DHX8: variants seen among roughly 807,000 people sequenced by gnomAD.
The protein encoded by DHX8 is ATP-dependent RNA helicase DHX8.
Under a neutral mutation model 140.7 loss-of-function variants are expected in DHX8, and 67 were observed. The ratio of observed to expected loss-of-function variants is 0.48; its 90% CI spans 0.39 to 0.58. DHX8 has a LOEUF of 0.58. DHX8 is among the 20% of genes least tolerant of loss of function. The probability of loss-of-function intolerance (pLI) is 0.00; values close to 1 mark genes in which losing one functional copy is unlikely to be tolerated. For missense variants in DHX8, 887 were observed against 1,550.7 expected (o/e 0.57, Z 7.19); for synonymous variants, 533 against 553.2 (o/e 0.96, Z 0.51).
At chr17:43,513,289 G>T in intron 16 of DHX8, 73 bp from the exon 17 acceptor site, 1 of 1,510,596 alleles carries the variant, frequency 6.6e-7, no homozygotes. Context: ...AGATATCTGG[G>T]TTCAGAAGAC....
chr17:43,487,096 T>A (rs1005976009), intron 1 of DHX8, among the ~76,000 whole-genome samples: 1 of 152,168 alleles, frequency 6.6e-6, no homozygotes, highest in African/African-American at 2.4e-5. Flanking sequence ...AACCGTCAGC[T>A]TCCTCATTGT....
chr17:43,520,723 C>T (rs567744916), intron 19 of DHX8, 28 bp from the exon 20 acceptor site: 2 of 1,613,646 alleles, frequency 1.2e-6, no homozygotes, highest in African/African-American at 2.7e-5. Flanking sequence ...CACAGGGAAG[C>T]AGTTGTAGTC....
At chr17:43,521,896 T>G in intron 21 of DHX8, 151 bp from the exon 22 acceptor site, 1 of 797,444 alleles carries the variant, frequency 1.3e-6, no homozygotes, top group Non-Finnish European at 2.1e-6. Context: ...CTGCCCACTG[T>G]GTAGAGCTGC....
At chr17:43,501,050 A>G (rs1969164758) in intron 11 of DHX8, among the ~76,000 whole-genome samples, 1 of 152,152 alleles carries the variant, frequency 6.6e-6, no homozygotes, top group South Asian at 2.1e-4. Flanking sequence ...AACTGGGGAT[A>G]CGATTTGAAT....
At chr17:43,505,269 C>T (rs1452362876) in intron 12 of DHX8, among the ~76,000 whole-genome samples, 5 of 152,106 alleles carry the variant, frequency 3.3e-5, no homozygotes, top group South Asian at 4.1e-4. Context: ...ATTAGCTGGG[C>T]GTGGTGGCGC....
downstream of DHX8, chr17:43,528,988 G>C: frequency 3.6e-6 from 3 of 841,718 alleles, no homozygotes; most frequent in Non-Finnish European, 3.9e-6. Flanking sequence ...GGAGAACCTT[G>C]GGATTCTCCA....
chr17:43,499,867 A>C (rs1969083695), intron 10 of DHX8, 89 bp from the exon 11 acceptor site: 1 of 1,384,128 alleles, frequency 7.2e-7, no homozygotes, highest in South Asian at 1.3e-5. Context: ...TTCCAGATGT[A>C]GTCTCATGTT....
At chr17:43,510,358 C>T (rs1199972684) in intron 16 of DHX8, among the ~76,000 whole-genome samples, 1 of 152,066 alleles carries the variant, frequency 6.6e-6, no homozygotes, top group Non-Finnish European at 1.5e-5. Context: ...AGAATTTACC[C>T]TTTTAAAGTG....
chr17:43,529,751 A>G (rs937984662), downstream of DHX8: 91 of 1,590,562 alleles, frequency 5.7e-5, no homozygotes, highest in Non-Finnish European at 7.0e-5. Flanking sequence ...CACCCGAGGG[A>G]TTTCTCGAAG....
rs1669006308 is a variant in DHX8, at chr17:43,525,462, T to C, written c.*1615T>C. 5 of 985,368 alleles carry C rather than the reference T, an allele frequency of 5.1e-6. No individual in the cohort carries two copies. Among genetic ancestry groups the C allele is most frequent in the Non-Finnish European group, 4.8e-6 (4 of 829,874 alleles). The allele number at this position is 985,368 out of a possible 1,614,324, so 61.0% of individuals were successfully genotyped here. ...GCAGATCCCTGCCCCTTCATTAAGC[T>C]GAGTGCCTCCTGATTCTGTCTGAGT... On this transcript the variant is annotated 3_prime_UTR_variant, in exon 23 of 23. Transcript: ENST00000262415.
chr17:43,532,992 C>T (rs1971029504), intron 2 of DHX8: 1 of 1,525,366 alleles, frequency 6.6e-7, no homozygotes, highest in Non-Finnish European at 8.8e-7. Flanking sequence ...ATTAATCCTT[C>T]CTCGAGCCTG....
intron 2 of DHX8, chr17:43,532,722 C>A: frequency 1.2e-6 from 2 of 1,614,024 alleles, no homozygotes; most frequent in Non-Finnish European, 1.7e-6. Context: ...ACCACCCCCG[C>A]CCCTGGGTAC....
Position 43,533,339 on chromosome 17 carries a change from G to T in DHX8, c.351-3073G>T, listed in dbSNP as rs934111095. 7.4e-6 allele frequency: 12 copies of T among 1,613,114 alleles called. No individual in the cohort carries two copies. Among genetic ancestry groups the T allele is most frequent in the South Asian group, 1.1e-5 (1 of 91,066 alleles). On this transcript the variant is annotated intron_variant, in intron 2 of 3. Coordinates refer to the DHX8 transcript ENST00000589898. ...ACTTGATGGCGATTTGTCTGGGGGG[G>T]TCATAGGCACTGGAGTTGAGAAGGA...
At chr17:43,517,881 G>A (rs766522968) in intron 18 of DHX8, 18 of 152,506 alleles carry the variant, frequency 1.2e-4, no homozygotes, top group South Asian at 4.1e-4. Context: ...CCCCGACACT[G>A]ATGCTACCCT....
At chr17:43,503,496 TAA>T (rs76447742) in intron 11 of DHX8, among the ~76,000 whole-genome samples, 35 of 127,468 alleles carry the variant, frequency 2.7e-4, no homozygotes, top group South Asian at 2.5e-4. Flanking sequence ...AAACTCCATC[TAA>T]AAAAAAAAAA....
In DHX8 at chr17:43,520,279, ACT is replaced by A. The variant is rs1970312766; in HGVS notation, c.2937+14_2937+15del. The A allele has an allele frequency of 6.2e-7, 1 of 1,612,486 alleles. No homozygotes were observed. Among genetic ancestry groups the A allele is most frequent in the African/African-American group, 1.3e-5 (1 of 74,914 alleles). On this transcript the variant is annotated intron_variant, in intron 19 of 22. Transcript: ENST00000262415. ...GCTTGGGCCGCCGGGTAAGGGACAG[ACT>A]CAACTTCCTGTGCTTTTGGGAAGAT... is the stretch of plus-strand genomic sequence containing the variant.
At chr17:43,512,308 A>C (rs1969885875) in intron 16 of DHX8, among the ~76,000 whole-genome samples, 1 of 148,364 alleles carries the variant, frequency 6.7e-6, no homozygotes, top group South Asian at 2.1e-4. Context: ...AATCGCTTGA[A>C]CCCGGGAGGT....
At chr17:43,543,011 G>A (rs1214525051) in intron 3 of DHX8, among the ~76,000 whole-genome samples, 1 of 152,092 alleles carries the variant, frequency 6.6e-6, no homozygotes, top group African/African-American at 2.4e-5. Context: ...GGTGGTGTTG[G>A]GATGGTGCAG....
At chr17:43,542,089 GA>G (rs768909696) in intron 3 of DHX8, among the ~76,000 whole-genome samples, 2 of 152,118 alleles carry the variant, frequency 1.3e-5, no homozygotes, top group South Asian at 4.2e-4. Flanking sequence ...ATATGATTGG[GA>G]CAGCCAAAGG....
Sources: allele counts gnomAD v4.1 joint callset (sites outside exome capture counted in the v4.1 genomes callset), GRCh38; gene constraint gnomAD v4.1.1; transcripts MANE v1.5; gene names NCBI Gene and HGNC (gene_info 2026-07-23, HGNC 2026-07-21).